YWHAE: variants seen among roughly 807,000 people sequenced by gnomAD.
The protein encoded by YWHAE is tyrosine 3-monooxygenase/tryptophan 5-monooxygenase activation protein epsilon, also known as 14-3-3 protein epsilon.
A neutral mutation model predicts 30.1 loss-of-function variants in YWHAE; 4 were observed. That is an observed-to-expected ratio of 0.13 (90% confidence interval 0.07 to 0.30). The LOEUF is 0.30. Among genes scored for constraint, YWHAE ranks in the 10% least tolerant of loss-of-function variants. YWHAE has a pLI of 1.00. For missense variants in YWHAE, 121 were observed against 315.9 expected (o/e 0.38, Z 4.68); for synonymous variants, 118 against 111.8 (o/e 1.06, Z -0.35).
At chr17:1,347,819 G>C (rs1262246667) in intron 5 of YWHAE, 2 of 275,476 alleles carry the variant, frequency 7.3e-6, no homozygotes, top group African/African-American at 2.3e-5. Context: ...TAGGCAGGAG[G>C]AGCAGGCCGG....
At chr17:1,393,963 A>G (rs986849249) in intron 1 of YWHAE, among the ~76,000 whole-genome samples, 2 of 152,308 alleles carry the variant, frequency 1.3e-5, no homozygotes, top group East Asian at 3.9e-4. Context: ...CATGGATATC[A>G]GTCATCACAA....
chr17:1,357,954 A>G (rs1039484088), intron 4 of YWHAE, among the ~76,000 whole-genome samples: 3 of 152,086 alleles, frequency 2.0e-5, no homozygotes, highest in Non-Finnish European at 4.4e-5. Context: ...GAAAAAGACA[A>G]TAGCAAAAAA....
chr17:1,365,600 G>A (rs2072929631), intron 1 of YWHAE, among the ~76,000 whole-genome samples: 1 of 152,076 alleles, frequency 6.6e-6, no homozygotes, highest in Non-Finnish European at 1.5e-5. Context: ...ATTCCTACTT[G>A]TTACCACTAG....
intron 4 of YWHAE, among the ~76,000 whole-genome samples, chr17:1,360,253 C>T (rs2150848874): frequency 6.6e-6 from 1 of 152,282 alleles, no homozygotes; most frequent in African/African-American, 2.4e-5. Flanking sequence ...TGAGCCACTG[C>T]ACCCAGGCTA....
intron 1 of YWHAE, among the ~76,000 whole-genome samples, chr17:1,395,539 C>T (rs551820498): frequency 6.6e-6 from 1 of 152,090 alleles, no homozygotes; most frequent in Non-Finnish European, 1.5e-5. Context: ...GGATTTTTAA[C>T]ACTACGTTAC....
chr17:1,386,978 A>G (rs1442767446), intron 1 of YWHAE, among the ~76,000 whole-genome samples: 9 of 151,966 alleles, frequency 5.9e-5, no homozygotes, highest in African/African-American at 1.7e-4. Context: ...AAAAAAGAGG[A>G]AAACATGAAT....
intron 4 of YWHAE, among the ~76,000 whole-genome samples, chr17:1,355,115 T>TAAAAAAAAAAAAAAAAAAAAAAAAAAAA (rs2072712838): frequency 4.1e-5 from 3 of 72,364 alleles, no homozygotes; most frequent in Non-Finnish European, 7.6e-5. Context: ...CCAAGATTTT[T>TAAAAAAAAAAAAAAAAAAAAAAAAAAAA]TAAAAAAAAA....
intron 1 of YWHAE, among the ~76,000 whole-genome samples, chr17:1,393,537 T>C (rs115813535): frequency 3.7e-3 from 568 of 152,186 alleles, no homozygotes; most frequent in African/African-American, 0.012. Context: ...GTCAAGCGAT[T>C]TCCCACCTCA....
intron 1 of YWHAE, among the ~76,000 whole-genome samples, chr17:1,377,959 G>C (rs777203861): frequency 6.6e-6 from 1 of 152,074 alleles, no homozygotes; most frequent in Admixed American, 6.5e-5. Flanking sequence ...TGAGGCAGGA[G>C]AATTGCTTGA....
chr17:1,362,179 A>C (rs971570758), intron 2 of YWHAE, among the ~76,000 whole-genome samples, 171 bp from the exon 3 acceptor site: 20 of 152,062 alleles, frequency 1.3e-4, no homozygotes, highest in African/African-American at 4.6e-4. Context: ...AGCTGCCTCT[A>C]GGTTATAAAA....
intron 4 of YWHAE, among the ~76,000 whole-genome samples, chr17:1,354,980 T>TTTG (rs1424062028): frequency 2.0e-4 from 15 of 74,412 alleles, no homozygotes; most frequent in Non-Finnish European, 3.1e-4. Context: ...TTTTTTTTTT[T>TTTG]TTTTTTTTTT....
intron 5 of YWHAE, among the ~76,000 whole-genome samples, chr17:1,353,164 C>T (rs2072664371): frequency 6.6e-6 from 1 of 152,274 alleles, no homozygotes; most frequent in Admixed American, 6.5e-5. Context: ...ACAGGCCGGG[C>T]ACGGTGGCTT....
At chr17:1,396,022 G>A (rs900538776) in intron 1 of YWHAE, among the ~76,000 whole-genome samples, 1 of 152,210 alleles carries the variant, frequency 6.6e-6, no homozygotes, top group Non-Finnish European at 1.5e-5. Context: ...TGGAGGCTGA[G>A]GCAGGAGAAT....
intron 1 of YWHAE, among the ~76,000 whole-genome samples, chr17:1,379,266 C>T (rs1019718199): frequency 6.6e-6 from 1 of 152,160 alleles, no homozygotes; most frequent in South Asian, 2.1e-4. Flanking sequence ...GGGCAGGCTG[C>T]TTGAGCTGAG....
chr17:1,384,448 T>G lies in YWHAE; in HGVS notation c.64+15599A>C, dbSNP rs568731118. Among the ~76,000 whole-genome samples, 27 of 151,356 alleles carry G rather than the reference T, an allele frequency of 1.8e-4. No homozygotes were observed. In the East Asian group the frequency reaches 3.7e-3, roughly 21 times the overall value. The stretch of plus-strand genomic sequence containing the variant: ...GGCTCACGCCTGTAATCCCAGCACT[T>G]TGGGAGGCCAAGGCGGGCAGATCAC... On this transcript the variant is annotated intron_variant, in intron 1 of 5. Transcript: ENST00000264335.
Position 1,353,424 on chromosome 17 carries a change from C to T in YWHAE, c.715+787G>A, listed in dbSNP as rs1243278676. On this transcript the variant is annotated intron_variant, in intron 5 of 5. Coordinates refer to ENST00000264335, the MANE Select transcript of YWHAE (RefSeq NM_006761.5). The stretch of plus-strand genomic sequence containing the variant: ...CTGCACTCCAGCCCGGTCAACAGAG[C>T]GAGACTCCATCTCAAAAAAAAAAAA... Among the ~76,000 whole-genome samples, 22 of 123,712 alleles carry T rather than the reference C, an allele frequency of 1.8e-4. No homozygotes were observed. In the Admixed American group the frequency reaches 2.1e-3, roughly 12 times the overall value. The allele number at this position is 123,712 out of a possible 152,430, so 81.2% of individuals were successfully genotyped here.
At chr17:1,369,931 T>TA (rs1282793450) in intron 1 of YWHAE, among the ~76,000 whole-genome samples, 2 of 152,150 alleles carry the variant, frequency 1.3e-5, no homozygotes. Flanking sequence ...CAGCAAGTGA[T>TA]AATATTTTGC....
Position 1,351,589 on chromosome 17 carries a change from T to C in YWHAE, c.715+2622A>G, listed in dbSNP as rs189855160. Among the ~76,000 whole-genome samples, 95 of 151,970 alleles carry C rather than the reference T, an allele frequency of 6.3e-4. 1 individual carries two copies. Among genetic ancestry groups the C allele is most frequent in the African/African-American group, 2.2e-3 (93 of 41,474 alleles). On this transcript the variant is annotated intron_variant, in intron 5 of 5. Transcript: ENST00000264335. Reference sequence around the variant, plus strand: ...CTGAGCTGGGGATGACCATTACGAGTCCACAGCTGTTTGACCATTCTTCTT... The same window carrying C: ...CTGAGCTGGGGATGACCATTACGAGCCCACAGCTGTTTGACCATTCTTCTT...
intron 1 of YWHAE, chr17:1,369,863 CTG>C (rs1197513933): frequency 7.1e-6 from 1 of 141,512 alleles, no homozygotes; most frequent in Non-Finnish European, 1.5e-5. Flanking sequence ...TATGTCTAAA[CTG>C]TACATAATTT....
Sources: allele counts gnomAD v4.1 joint callset (sites outside exome capture counted in the v4.1 genomes callset), GRCh38; gene constraint gnomAD v4.1.1; transcripts MANE v1.5; gene names NCBI Gene and HGNC (gene_info 2026-07-23, HGNC 2026-07-21).